Variants in ENTPD7 observed in about 807,000 individuals in gnomAD.
ENTPD7 encodes the protein ectonucleoside triphosphate diphosphohydrolase 7, also known as NTPDase 7.
A neutral mutation model predicts 77.9 loss-of-function variants in ENTPD7; 53 were observed. The ratio of observed to expected loss-of-function variants is 0.68; its 90% CI spans 0.55 to 0.85. The LOEUF is 0.85. Among genes scored for constraint, ENTPD7 ranks in the 40% least tolerant of loss-of-function variants. The pLI is 0.00. For missense variants in ENTPD7, 636 were observed against 743.7 expected (o/e 0.86, Z 1.68); for synonymous variants, 248 against 274.9 (o/e 0.90, Z 0.97).
intron 3 of ENTPD7, among the ~76,000 whole-genome samples, chr10:99,669,740 G>GGT (rs1554835535): frequency 3.4e-5 from 2 of 59,254 alleles, no homozygotes; most frequent in Admixed American, 5.6e-4. Context: ...TAGATGTGTG[G>GGT]TTTTTTTTTT....
Position 99,705,919 on chromosome 10 carries a change from A to G in ENTPD7, c.*1236A>G, listed in dbSNP as rs1323677908. ...TTCCAGAGCTTTGCTTCTCCTCCACATTTAGCCATTAAATTGCATGAGGAT... is the reference window on the plus strand; with the variant it reads ...TTCCAGAGCTTTGCTTCTCCTCCACGTTTAGCCATTAAATTGCATGAGGAT... On this transcript the variant is annotated 3_prime_UTR_variant, in exon 13 of 13. Transcript: ENST00000370489. 1 of 152,158 alleles carries G rather than the reference A, an allele frequency of 6.6e-6. No individual in the cohort carries two copies. The highest frequency in any genetic ancestry group is 2.4e-5 in the African/African-American group (1 of 41,442). The allele number at this position is 152,158 out of a possible 1,614,324, so 9.4% of individuals were successfully genotyped here. A position where few individuals can be genotyped will look rare whatever the true frequency, so the allele number is the denominator to read the frequency against.
intron 3 of ENTPD7, among the ~76,000 whole-genome samples, chr10:99,671,259 T>C (rs1373178151): frequency 1.3e-5 from 2 of 152,106 alleles, no homozygotes; most frequent in Non-Finnish European, 2.9e-5. Context: ...CTGTAACTTT[T>C]CCACTTTCTA....
rs2036163037 is a variant in ENTPD7 at position 99,702,642 on chromosome 10, A to G, written c.1552A>G (p.Ile518Val). Residue 518 changes from isoleucine to valine, a missense_variant, in exon 12 of 13, where the codon ATT (isoleucine) becomes GTT (valine). Transcript: ENST00000370489. ...AGAGGTTCAGTGGACGCTGGGAGCC[A>G]TTCTATATAAAACACGATTCTTACC... ...DREVQWTLGA[I>V]LYKTRFLPLR... The G allele has an allele frequency of 6.2e-7, 1 of 1,613,284 alleles. No homozygotes were observed. The highest frequency in any genetic ancestry group is 1.3e-5 in the African/African-American group (1 of 74,974).
At chr10:99,672,173 A>T (rs2133449232) in intron 3 of ENTPD7, among the ~76,000 whole-genome samples, 1 of 152,218 alleles carries the variant, frequency 6.6e-6, no homozygotes, top group East Asian at 1.9e-4. Context: ...TTTTAGAGAC[A>T]GGGGTCTCAC....
chr10:99,660,525 C>T (rs765673226), intron 2 of ENTPD7: 28 of 284,216 alleles, frequency 9.9e-5, no homozygotes, highest in Middle Eastern at 4.7e-4. Context: ...GGAATGGATA[C>T]GCACACACAC....
chr10:99,704,342 T>A (rs2036204123), intron 12 of ENTPD7, 110 bp from the exon 13 acceptor site: 1 of 1,066,840 alleles, frequency 9.4e-7, no homozygotes, highest in African/African-American at 1.6e-5. Flanking sequence ...ATAAAATGTT[T>A]ATGTGGATGG....
At chr10:99,665,035 G>A (rs374293912) in intron 3 of ENTPD7, among the ~76,000 whole-genome samples, 2 of 151,912 alleles carry the variant, frequency 1.3e-5, no homozygotes, top group Non-Finnish European at 2.9e-5. Context: ...TGGATTGCAC[G>A]AGCTCAAGAG....
intron 5 of ENTPD7, among the ~76,000 whole-genome samples, chr10:99,685,032 T>C (rs1590046216): frequency 6.6e-6 from 1 of 152,048 alleles, no homozygotes; most frequent in African/African-American, 2.4e-5. Flanking sequence ...CCGAGGCAGG[T>C]GAATCACCTG....
chr10:99,693,476 G>A (rs1011332273), intron 8 of ENTPD7, among the ~76,000 whole-genome samples: 13 of 152,160 alleles, frequency 8.5e-5, no homozygotes, highest in African/African-American at 3.1e-4. Context: ...CGAAGGCATG[G>A]ATCTGATACT....
intron 8 of ENTPD7, among the ~76,000 whole-genome samples, chr10:99,693,418 G>A (rs951586350): frequency 1.3e-5 from 2 of 152,220 alleles, no homozygotes; most frequent in African/African-American, 4.8e-5. Context: ...TAACTAGGTT[G>A]TGATACTTTT....
chr10:99,677,359 CTT>C (rs560338561), intron 3 of ENTPD7, among the ~76,000 whole-genome samples: 10 of 93,790 alleles, frequency 1.1e-4, no homozygotes, highest in East Asian at 3.1e-4. Flanking sequence ...GGGCAGATAG[CTT>C]TTTTTTTTTT....
At chr10:99,665,281 C>G (rs1057350437) in intron 3 of ENTPD7, among the ~76,000 whole-genome samples, 24 of 150,058 alleles carry the variant, frequency 1.6e-4, no homozygotes, top group African/African-American at 5.4e-4. Context: ...AGAAGAAAAA[C>G]AGCAGACAGT....
At chr10:99,666,088 T>G (rs1242016233) in intron 3 of ENTPD7, among the ~76,000 whole-genome samples, 1 of 152,208 alleles carries the variant, frequency 6.6e-6, no homozygotes, top group African/African-American at 2.4e-5. Flanking sequence ...GTGAGCTGTA[T>G]GGCTGGAGAG....
intron 3 of ENTPD7, among the ~76,000 whole-genome samples, chr10:99,666,521 T>A (rs2035553069): frequency 6.6e-6 from 1 of 152,186 alleles, no homozygotes; most frequent in Admixed American, 6.5e-5. Flanking sequence ...AACTGCTTCT[T>A]AAAGAAAGCT....
chr10:99,681,110 T>G (rs1005340844), intron 5 of ENTPD7, among the ~76,000 whole-genome samples: 7 of 152,188 alleles, frequency 4.6e-5, no homozygotes, highest in Non-Finnish European at 1.0e-4. Context: ...TCTTTACATA[T>G]TCATCTGTCA....
chr10:99,672,155 T>A (rs1313615074), intron 3 of ENTPD7, among the ~76,000 whole-genome samples: 1 of 152,130 alleles, frequency 6.6e-6, no homozygotes, highest in Non-Finnish European at 1.5e-5. Flanking sequence ...CTAAATTTCT[T>A]TTTTTATTTT....
At chr10:99,675,521 G>C (rs1360685146) in intron 3 of ENTPD7, among the ~76,000 whole-genome samples, 3 of 103,716 alleles carry the variant, frequency 2.9e-5, no homozygotes, top group Non-Finnish European at 5.1e-5. Flanking sequence ...TTTAGATAGG[G>C]TTTTAGATTC....
chr10:99,700,738 C>T, intron 10 of ENTPD7: 1 of 563,912 alleles, frequency 1.8e-6, no homozygotes, highest in South Asian at 2.2e-5. Flanking sequence ...ACCTCAGCCC[C>T]TCTGAAGCCT....
rs1446594491 is a variant in ENTPD7, at chr10:99,710,343, C to T, written c.*5660C>T. ...ATTTGAAATTCTCATTCCACAATTA[C>T]CCTTTAGTTGAAGTCCTGAAGTACA... On this transcript the variant is annotated 3_prime_UTR_variant, in exon 13 of 13. Transcript: ENST00000370489. 1.0e-6 allele frequency: 1 copy of T among 985,274 alleles called. No individual in the cohort carries two copies. The highest frequency in any genetic ancestry group is 1.2e-6 in the Non-Finnish European group (1 of 829,936). 61.0% of individuals were successfully genotyped at this position (985,274 alleles called of 1,614,324 possible).
Sources: allele counts gnomAD v4.1 joint callset (sites outside exome capture counted in the v4.1 genomes callset), GRCh38; gene constraint gnomAD v4.1.1; transcripts MANE v1.5; gene names NCBI Gene and HGNC (gene_info 2026-07-23, HGNC 2026-07-21).